Variants in PABPC4L observed in about 807,000 individuals in gnomAD.
The protein encoded by PABPC4L is poly(A) binding protein cytoplasmic 4 like.
For synonymous variants in PABPC4L, 169 were observed against 164.1 expected, an observed-to-expected ratio of 1.03 and a Z score of -0.23; for missense variants, 452 against 451.4, an observed-to-expected ratio of 1.00 and a Z score of -0.01.
the PABPC4L span, among the ~76,000 whole-genome samples, chr4:134,159,014 G>A: frequency 6.6e-6 from 1 of 151,816 alleles, no homozygotes; most frequent in Non-Finnish European, 1.5e-5. Context: ...AAAAAGCACG[G>A]TAAAAATAGA....
chr4:133,989,093 A>G, the PABPC4L span, among the ~76,000 whole-genome samples: 2 of 152,078 alleles, frequency 1.3e-5, no homozygotes, highest in Non-Finnish European at 2.9e-5. Flanking sequence ...TCCTGGGCCC[A>G]GTCCATGAAA....
At chr4:134,031,693 G>A in the PABPC4L span, among the ~76,000 whole-genome samples, 1 of 151,918 alleles carries the variant, frequency 6.6e-6, no homozygotes, top group African/African-American at 2.4e-5. Flanking sequence ...TTGGAGGCTG[G>A]AGAGTCTAGA....
chr4:133,961,221 C>T, the PABPC4L span, among the ~76,000 whole-genome samples: 1 of 152,180 alleles, frequency 6.6e-6, no homozygotes, highest in African/African-American at 2.4e-5. Context: ...GACCCACAGA[C>T]AGTTCACATC....
chr4:134,002,770 A>G, the PABPC4L span, among the ~76,000 whole-genome samples: 1 of 152,078 alleles, frequency 6.6e-6, no homozygotes, highest in African/African-American at 2.4e-5. Context: ...CAACAAGAGA[A>G]ATCATGGCTC....
chr4:134,057,375 A>T, the PABPC4L span, among the ~76,000 whole-genome samples: 1 of 152,104 alleles, frequency 6.6e-6, no homozygotes, highest in South Asian at 2.1e-4. Context: ...CATTGATATA[A>T]TGAGGGAGTG....
the PABPC4L span, among the ~76,000 whole-genome samples, chr4:133,953,503 G>A: frequency 6.6e-6 from 1 of 152,134 alleles, no homozygotes; most frequent in African/African-American, 2.4e-5. Context: ...TTGCCCTACT[G>A]GGTCCTTTGT....
chr4:134,201,270 T>C (rs1383247572), intron 1 of PABPC4L, 25 bp from the exon 2 acceptor site: 2 of 1,488,596 alleles, frequency 1.3e-6, no homozygotes, highest in Non-Finnish European at 1.8e-6. Context: ...AGAGAGATTA[T>C]TAGGACAAGA....
the PABPC4L span, among the ~76,000 whole-genome samples, chr4:134,092,589 A>T: frequency 1.5e-4 from 23 of 152,158 alleles, no homozygotes; most frequent in Middle Eastern, 0.017. Context: ...CCACTGCTAA[A>T]AGGGCATTGT....
At chr4:134,071,147 G>A in the PABPC4L span, among the ~76,000 whole-genome samples, 6 of 152,280 alleles carry the variant, frequency 3.9e-5, no homozygotes, top group African/African-American at 7.2e-5. Context: ...GCAAGAGCAC[G>A]TTGCTCAACT....
chr4:134,096,163 T>G, the PABPC4L span, among the ~76,000 whole-genome samples: 1 of 152,114 alleles, frequency 6.6e-6, no homozygotes, highest in South Asian at 2.1e-4. Flanking sequence ...CATTTTTTAT[T>G]TATTTTATTG....
chr4:133,972,038 A>G, the PABPC4L span, among the ~76,000 whole-genome samples: 1 of 152,192 alleles, frequency 6.6e-6, no homozygotes, highest in African/African-American at 2.4e-5. Flanking sequence ...CCAGCATACA[A>G]AATAAACCAT....
chr4:134,165,765 T>C, the PABPC4L span, among the ~76,000 whole-genome samples: 6 of 152,060 alleles, frequency 3.9e-5, no homozygotes, highest in Non-Finnish European at 8.8e-5. Context: ...TGTTATTCAA[T>C]CCAGCAATCC....
the PABPC4L span, among the ~76,000 whole-genome samples, chr4:134,004,301 A>T: frequency 6.6e-6 from 1 of 151,916 alleles, no homozygotes; most frequent in African/African-American, 2.4e-5. Context: ...AGGAAAAAAA[A>T]TACGTAATCT....
At chr4:134,108,892 C>A in the PABPC4L span, among the ~76,000 whole-genome samples, 1 of 151,798 alleles carries the variant, frequency 6.6e-6, no homozygotes, top group African/African-American at 2.4e-5. Context: ...ATTTTAATTG[C>A]CTAATAATGT....
chr4:133,967,160 TAA>T, the PABPC4L span, among the ~76,000 whole-genome samples: 1 of 152,062 alleles, frequency 6.6e-6, no homozygotes, highest in African/African-American at 2.4e-5. Context: ...AGTTCAGTTT[TAA>T]ATGTATTAAA....
At chr4:134,032,202 G>C in the PABPC4L span, among the ~76,000 whole-genome samples, 2 of 151,770 alleles carry the variant, frequency 1.3e-5, no homozygotes, top group Non-Finnish European at 2.9e-5. Flanking sequence ...ATTCCTACAG[G>C]AGGGTCATTT....
chr4:133,993,003 G>T, the PABPC4L span, among the ~76,000 whole-genome samples: 7 of 152,044 alleles, frequency 4.6e-5, no homozygotes, highest in African/African-American at 1.7e-4. Flanking sequence ...TCCAAGGAGG[G>T]CCTGAGGGGG....
the PABPC4L span, among the ~76,000 whole-genome samples, chr4:134,045,509 A>G: frequency 6.6e-6 from 1 of 152,200 alleles, no homozygotes; most frequent in Admixed American, 6.6e-5. Flanking sequence ...ATTTGAAATC[A>G]TGAGGAGAAG....
the PABPC4L span, among the ~76,000 whole-genome samples, chr4:134,094,959 G>T: frequency 2.6e-5 from 4 of 151,562 alleles, no homozygotes; most frequent in Admixed American, 2.6e-4. Context: ...AAACAATTTA[G>T]AAAATTTTAT....
Sources: allele counts gnomAD v4.1 joint callset (sites outside exome capture counted in the v4.1 genomes callset), GRCh38; gene constraint gnomAD v4.1.1; transcripts MANE v1.5; gene names NCBI Gene and HGNC (gene_info 2026-07-23, HGNC 2026-07-21).